The following C1orf87 variants were observed in gnomAD, a reference collection of about 807,000 sequenced individuals.
C1orf87 encodes uncharacterized protein C1orf87.
In C1orf87, 58 loss-of-function variants were observed where a neutral mutation model predicts 60.5. The ratio of observed to expected loss-of-function variants is 0.96; its 90% CI spans 0.78 to 1.19. C1orf87 has a LOEUF of 1.19. Ranked by LOEUF, C1orf87 falls within the 50% of genes most tolerant of loss-of-function variation. The pLI is 0.00. For missense variants in C1orf87, 673 were observed against 638.6 expected (o/e 1.05, Z -0.58); for synonymous variants, 236 against 227.4 (o/e 1.04, Z -0.34).
At chr1:60,065,002 T>TAAAA (rs374150235) in intron 2 of C1orf87, among the ~76,000 whole-genome samples, 1 of 53,012 alleles carries the variant, frequency 1.9e-5, no homozygotes, top group Non-Finnish European at 3.5e-5. Context: ...CATATAAATA[T>TAAAA]TAAATATATA....
intron 8 of C1orf87, among the ~76,000 whole-genome samples, chr1:60,016,936 G>A (rs1645128260): frequency 1.3e-5 from 2 of 152,220 alleles, no homozygotes; most frequent in Admixed American, 6.5e-5. Context: ...TCTGTGCCTA[G>A]TCATTATCTT....
chr1:60,002,598 T>C (rs1191709021), intron 9 of C1orf87, among the ~76,000 whole-genome samples: 1 of 152,078 alleles, frequency 6.6e-6, no homozygotes, highest in Non-Finnish European at 1.5e-5. Flanking sequence ...TTCACTCTGA[T>C]GGTAGTTTCT....
chr1:60,009,936 G>T (rs1645071416), intron 9 of C1orf87, among the ~76,000 whole-genome samples: 1 of 151,218 alleles, frequency 6.6e-6, no homozygotes, highest in South Asian at 2.1e-4. Flanking sequence ...GCCCACGAAG[G>T]ATCTTTCTGC....
At chr1:60,029,168 C>T (rs760409205) in intron 7 of C1orf87, among the ~76,000 whole-genome samples, 1 of 152,194 alleles carries the variant, frequency 6.6e-6, no homozygotes, top group Non-Finnish European at 1.5e-5. Context: ...AAAGCCAGAA[C>T]CTTGGGAGTC....
intron 7 of C1orf87, among the ~76,000 whole-genome samples, chr1:60,032,823 T>C (rs1343952254): frequency 6.6e-6 from 1 of 152,208 alleles, no homozygotes; most frequent in Non-Finnish European, 1.5e-5. Flanking sequence ...ACTTTGTAAG[T>C]GTTACATGAG....
intron 4 of C1orf87, among the ~76,000 whole-genome samples, 197 bp downstream of exon 4, chr1:60,040,794 T>C (rs1645318021): frequency 6.7e-6 from 1 of 150,312 alleles, no homozygotes; most frequent in Non-Finnish European, 1.5e-5. Flanking sequence ...GGTCTCACTA[T>C]GTTGTCCAGG....
chr1:60,038,145 T>C (rs754381010), intron 5 of C1orf87, 38 bp from the exon 6 acceptor site: 7 of 1,336,826 alleles, frequency 5.2e-6, no homozygotes, highest in Non-Finnish European at 7.2e-6. Context: ...CCTCATTTAA[T>C]TTATATGTAA....
intron 4 of C1orf87, 127 bp from the exon 5 acceptor site, chr1:60,040,307 A>G: frequency 1.6e-6 from 2 of 1,214,428 alleles, no homozygotes; most frequent in African/African-American, 1.5e-5. Flanking sequence ...CTGGAGCAGG[A>G]CAAGTCTGTG....
At chr1:60,066,255 G>A (rs925762782) in intron 2 of C1orf87, among the ~76,000 whole-genome samples, 6 of 152,108 alleles carry the variant, frequency 3.9e-5, no homozygotes, top group African/African-American at 1.4e-4. Context: ...TGTAACATAT[G>A]ATGCTGTTTG....
chr1:60,048,277 A>T (rs1197842219), intron 3 of C1orf87, among the ~76,000 whole-genome samples: 3 of 152,210 alleles, frequency 2.0e-5, no homozygotes, highest in Non-Finnish European at 4.4e-5. Context: ...GGACACAGCC[A>T]GGAGGCCTCT....
chr1:60,052,846 A>G (rs1307758435), intron 3 of C1orf87, among the ~76,000 whole-genome samples: 1 of 152,220 alleles, frequency 6.6e-6, no homozygotes, highest in East Asian at 1.9e-4. Context: ...GGGTCTCTGT[A>G]CCAGGCAACT....
rs535154858 is a variant in C1orf87 at position 60,004,876 on chromosome 1, A to T, written c.1193-3720T>A. Among the ~76,000 whole-genome samples, 9 of 145,104 alleles carry T rather than the reference A, an allele frequency of 6.2e-5. No individual in the cohort carries two copies. In the South Asian group the frequency reaches 1.9e-3, roughly 31 times the overall value. ...GCGCTCCTGTCTGCCCTCACTAATGACTTGAAATCAGTAGCCTTTAGCACT... is the reference window on the plus strand; with the variant it reads ...GCGCTCCTGTCTGCCCTCACTAATGTCTTGAAATCAGTAGCCTTTAGCACT... On this transcript the variant is annotated intron_variant, in intron 9 of 11. Coordinates refer to ENST00000371201, the MANE Select transcript of C1orf87 (RefSeq NM_152377.3).
chr1:60,062,757 T>C (rs1378835209), intron 2 of C1orf87, among the ~76,000 whole-genome samples: 1 of 152,230 alleles, frequency 6.6e-6, no homozygotes, highest in Middle Eastern at 3.2e-3. Context: ...AAACAGTATT[T>C]TGTTTTTGAC....
intron 3 of C1orf87, among the ~76,000 whole-genome samples, chr1:60,044,859 C>T (rs1053359170): frequency 3.3e-5 from 5 of 152,108 alleles, no homozygotes; most frequent in African/African-American, 1.2e-4. Flanking sequence ...GCTTGGGGAC[C>T]AACACCATAG....
intron 2 of C1orf87, among the ~76,000 whole-genome samples, chr1:60,056,305 A>G (rs1312197311): frequency 6.6e-6 from 1 of 152,168 alleles, no homozygotes; most frequent in African/African-American, 2.4e-5. Flanking sequence ...CATTTTAAAC[A>G]TAGAAGACAG....
chr1:60,033,592 A>G lies in C1orf87; in HGVS notation c.913T>C (p.Leu305=). The G allele has an allele frequency of 2.5e-6, 4 of 1,613,324 alleles. No homozygotes were observed. Among genetic ancestry groups the G allele is most frequent in the East Asian group, 2.2e-5 (1 of 44,856 alleles). ...SSQPEVNRSL[L]EILKMALRTT... ...CTTAGTGCCATCTTCAAAATCTCCA[A>G]CAGACTCCTGTTCACTTCTGGCTGT... The change falls in exon 7 of 12, where the codon TTG becomes CTG. Residue 305 remains leucine (L), a synonymous_variant. Transcript: ENST00000371201.
chr1:60,063,435 G>A (rs891677075), intron 2 of C1orf87, among the ~76,000 whole-genome samples: 1 of 152,110 alleles, frequency 6.6e-6, no homozygotes, highest in Non-Finnish European at 1.5e-5. Flanking sequence ...GACAGAAGCA[G>A]CCTTTAGAAA....
intron 4 of C1orf87, 76 bp from the exon 5 acceptor site, chr1:60,040,256 ACACTGGGGCTGGTATCTGAGTGTC>A: frequency 6.5e-7 from 1 of 1,527,858 alleles, no homozygotes; most frequent in Non-Finnish European, 8.7e-7. Flanking sequence ...AAGCAGAGGC[ACACTGGGGCTGGTATCTGAGTGTC>A]CACTCGCAGT....
chr1:60,060,775 A>T (rs1232668289), intron 2 of C1orf87, among the ~76,000 whole-genome samples: 1 of 152,126 alleles, frequency 6.6e-6, no homozygotes, highest in African/African-American at 2.4e-5. Context: ...AAAAAAAAAC[A>T]ACCCAAACAT....
Sources: allele counts gnomAD v4.1 joint callset (sites outside exome capture counted in the v4.1 genomes callset), GRCh38; gene constraint gnomAD v4.1.1; transcripts MANE v1.5; gene names NCBI Gene and HGNC (gene_info 2026-07-23, HGNC 2026-07-21).